Variants in NWD1 observed in about 807,000 individuals in gnomAD.
NWD1 encodes the protein NACHT and WD repeat domain containing 1, also known as NACHT domain- and WD repeat-containing protein 1.
In NWD1, 129 loss-of-function variants were observed where a neutral mutation model predicts 135.1. The ratio of observed to expected loss-of-function variants is 0.96; its 90% CI spans 0.83 to 1.11. The LOEUF (loss-of-function observed/expected upper bound fraction) is 1.11. Among genes scored for constraint, NWD1 ranks in the 50% least tolerant of loss-of-function variants. The pLI is 0.00. For missense variants in NWD1, 1,740 were observed against 1,851.3 expected, an observed-to-expected ratio of 0.94 and a Z score of 1.10; for synonymous variants, 773 against 786.0, an observed-to-expected ratio of 0.98 and a Z score of 0.28.
chr19:16,789,161 A>C lies in NWD1; in HGVS notation c.2911A>C (p.Lys971Gln). ...GAACCTTCATGTGGATGAGGCACAC[A>C]AAGTTGTGTATTCAGCATCTGGCTC... is the stretch of plus-strand genomic sequence containing the variant. Reference protein sequence around the residue: ...IWNLHVDEAHKVVYSASGSKI... With the variant: ...IWNLHVDEAHQVVYSASGSKI... The change falls in exon 13 of 19, where the codon AAA becomes CAA. Residue 971 changes from lysine to glutamine, a missense_variant. Coordinates refer to ENST00000524140, the MANE Select transcript of NWD1 (RefSeq NM_001007525.5). The C allele has an allele frequency of 6.2e-7, 1 of 1,614,100 alleles. No homozygotes were observed. The highest frequency in any genetic ancestry group is 8.5e-7 in the Non-Finnish European group (1 of 1,179,970).
At chr19:16,788,794 T>G (rs1235621466) in intron 12 of NWD1, among the ~76,000 whole-genome samples, 188 bp from the exon 13 acceptor site, 1 of 152,098 alleles carries the variant, frequency 6.6e-6, no homozygotes. Flanking sequence ...AGCCTTCCTT[T>G]ATAGCCTGTT....
At chr19:16,759,509 G>A (rs1968929627) in intron 7 of NWD1, 81 bp downstream of exon 7, 1 of 990,236 alleles carries the variant, frequency 1.0e-6, no homozygotes, top group Non-Finnish European at 1.5e-6. Flanking sequence ...GGTCTTCTCA[G>A]TATCAGATCC....
intron 14 of NWD1, among the ~76,000 whole-genome samples, chr19:16,792,256 A>G (rs1970272635): frequency 1.3e-5 from 2 of 151,820 alleles, no homozygotes; most frequent in African/African-American, 4.8e-5. Flanking sequence ...TAACATATAG[A>G]CTGGCTGGGC....
chr19:16,720,490 A>G lies in NWD1; in HGVS notation c.-105+197A>G, dbSNP rs115471495. On this transcript the variant is annotated intron_variant, in intron 1 of 18. Coordinates refer to ENST00000524140, the MANE Select transcript of NWD1 (RefSeq NM_001007525.5). The stretch of plus-strand genomic sequence containing the variant: ...AGGCCCTGAGGTTGAAATAAGCTAA[A>G]TGCATTAGACTAGGGGGTTCTCGAG... 9.3e-3 allele frequency among the ~76,000 whole-genome samples: 1,416 copies of G among 152,238 alleles called. 19 individuals carry two copies. The highest frequency in any genetic ancestry group is 0.032 in the African/African-American group (1,346 of 41,560).
chr19:16,780,179 G>A (rs1969806295), intron 12 of NWD1, among the ~76,000 whole-genome samples: 1 of 148,246 alleles, frequency 6.7e-6, no homozygotes, highest in Admixed American at 6.7e-5. Flanking sequence ...TTTTTGAGAC[G>A]GAGTCTTGCT....
intron 13 of NWD1, 144 bp downstream of exon 13, chr19:16,789,334 T>C: frequency 1.6e-6 from 1 of 640,074 alleles, no homozygotes; most frequent in South Asian, 1.9e-5. Flanking sequence ...GAGAGGGTGC[T>C]ATAAGAGGTT....
At chr19:16,809,542 TTTTTC>T (rs1404244098) in intron 18 of NWD1, among the ~76,000 whole-genome samples, 38 of 138,350 alleles carry the variant, frequency 2.7e-4, no homozygotes, top group African/African-American at 1.1e-3. Flanking sequence ...TTTCTTTTTT[TTTTTC>T]TTTTTCTTTT....
chr19:16,759,087 G>A (rs1435283741), intron 6 of NWD1, 138 bp from the exon 7 acceptor site: 3 of 696,634 alleles, frequency 4.3e-6, no homozygotes, highest in Non-Finnish European at 7.8e-6. Flanking sequence ...TACCTTGTGG[G>A]CGCTGTCCAA....
At chr19:16,784,753 C>G (rs1440143221) in intron 12 of NWD1, among the ~76,000 whole-genome samples, 1 of 151,728 alleles carries the variant, frequency 6.6e-6, no homozygotes, top group Non-Finnish European at 1.5e-5. Context: ...ACATGGTGAA[C>G]CCCTGTCTCT....
chr19:16,775,345 T>C (rs966935836), intron 11 of NWD1, among the ~76,000 whole-genome samples: 2 of 150,786 alleles, frequency 1.3e-5, no homozygotes, highest in African/African-American at 4.9e-5. Flanking sequence ...AAGATAGGAG[T>C]TTAATTCTCT....
chr19:16,767,394 C>T (rs962415362), intron 10 of NWD1, among the ~76,000 whole-genome samples: 13 of 152,146 alleles, frequency 8.5e-5, no homozygotes, highest in East Asian at 3.9e-4. Flanking sequence ...GCAGGCAGAT[C>T]ACTTGAGGTC....
intron 18 of NWD1, chr19:16,812,944 C>A (rs1041942426): frequency 2.9e-5 from 22 of 753,776 alleles, no homozygotes; most frequent in Non-Finnish European, 5.2e-5. Context: ...CCTGCTCTGG[C>A]CACCTCTAGC....
intron 6 of NWD1, among the ~76,000 whole-genome samples, chr19:16,757,130 G>A (rs1194234647): frequency 6.6e-6 from 1 of 152,114 alleles, no homozygotes; most frequent in African/African-American, 2.4e-5. Context: ...GTGCAAGTGT[G>A]ATGCACTTGA....
intron 14 of NWD1, among the ~76,000 whole-genome samples, chr19:16,793,259 G>A (rs1303604719): frequency 6.6e-6 from 1 of 151,856 alleles, no homozygotes; most frequent in African/African-American, 2.4e-5. Context: ...TTTGAGACAG[G>A]GTCTTACTTT....
At chr19:16,736,564 C>A in intron 3 of NWD1, 70 bp from the exon 4 acceptor site, 1 of 1,001,808 alleles carries the variant, frequency 1.0e-6, no homozygotes, top group South Asian at 1.4e-5. Flanking sequence ...TCTGCTTTGT[C>A]AAAAGGGATT....
chr19:16,773,345 A>G (rs758553493), intron 11 of NWD1, 22 bp downstream of exon 11: 40 of 1,602,310 alleles, frequency 2.5e-5, no homozygotes, highest in Non-Finnish European at 3.4e-5. Flanking sequence ...CAGCATAGCA[A>G]AAATCCCAGC....
intron 3 of NWD1, 80 bp from the exon 4 acceptor site, chr19:16,736,554 T>C: frequency 1.1e-6 from 1 of 936,364 alleles, no homozygotes; most frequent in Non-Finnish European, 1.7e-6. Flanking sequence ...AAAGAAACTT[T>C]CTGCTTTGTC....
At position 16,736,689 on chromosome 19, in the gene NWD1, C is replaced by T; in HGVS notation, c.137C>T (p.Thr46Ile). ...RNIEATDHLT[T>I]ELCLEEVDRC... Reference sequence around the variant, plus strand: ...ATTGAAGCCACTGACCACTTGACCACAGAACTCTGCTTGGAGGAGGTTGAC... The same window carrying T: ...ATTGAAGCCACTGACCACTTGACCATAGAACTCTGCTTGGAGGAGGTTGAC... Residue 46 changes from threonine to isoleucine, a missense_variant, in exon 4 of 19, where the codon ACA becomes ATA. Physicochemically the swap from Thr to Ile is moderately conservative, Grantham distance 89. Transcript: ENST00000524140. The T allele has an allele frequency of 6.5e-7, 1 of 1,536,314 alleles. No individual in the cohort carries two copies. Among genetic ancestry groups the T allele is most frequent in the South Asian group, 1.2e-5 (1 of 84,062 alleles).
intron 18 of NWD1, among the ~76,000 whole-genome samples, chr19:16,813,242 G>C (rs530075747): frequency 2.0e-5 from 3 of 152,078 alleles, no homozygotes; most frequent in African/African-American, 4.8e-5. Flanking sequence ...CACTAGTAGT[G>C]GGGGGCTGGT....
Sources: allele counts gnomAD v4.1 joint callset (sites outside exome capture counted in the v4.1 genomes callset), GRCh38; gene constraint gnomAD v4.1.1; transcripts MANE v1.5; gene names NCBI Gene and HGNC (gene_info 2026-07-23, HGNC 2026-07-21).